PRKDC: variants seen among roughly 807,000 people sequenced by gnomAD.
PRKDC encodes DNA-dependent protein kinase catalytic subunit.
Under a neutral mutation model 486.9 loss-of-function variants are expected in PRKDC, and 82 were observed. The ratio of observed to expected loss-of-function variants is 0.17; its 90% CI spans 0.14 to 0.20. The LOEUF is 0.20. Among genes scored for constraint, PRKDC ranks in the 10% least tolerant of loss-of-function variants. The pLI is 1.00. For missense variants in PRKDC, 4,504 were observed against 5,038.2 expected (o/e 0.89, Z 3.21); for synonymous variants, 1,895 against 1,837.0 (o/e 1.03, Z -0.81).
At chr8:47,958,072 T>C (rs2090738667) in intron 1 of PRKDC, among the ~76,000 whole-genome samples, 1 of 152,174 alleles carries the variant, frequency 6.6e-6, no homozygotes, top group Non-Finnish European at 1.5e-5. Context: ...AAGATCATAC[T>C]GGATTATCCA....
Position 47,803,238 on chromosome 8 carries a change from G to A in PRKDC, c.9922+68C>T, listed in dbSNP as rs2087146878. 2.1e-6 allele frequency: 3 copies of A among 1,436,226 alleles called. No individual in the cohort carries two copies. The South Asian group carries it at 4.5e-5, about 22-fold the overall frequency. 89.0% of individuals were successfully genotyped at this position (1,436,226 alleles called of 1,614,324 possible). ...ATGTCAGATGATGCAGCACAAAGAAGAGGAAGATACACAAGACAATATAAC... is the reference window on the plus strand; with the variant it reads ...ATGTCAGATGATGCAGCACAAAGAAAAGGAAGATACACAAGACAATATAAC... On this transcript the variant is annotated intron_variant, in intron 70 of 85. Transcript: ENST00000314191.
At position 47,893,293 on chromosome 8, in the gene PRKDC, C is replaced by A. The variant is rs1227700132; in HGVS notation, c.3693G>T (p.Gln1231His). The change falls in exon 31 of 86, where the codon CAG (glutamine) becomes CAT (histidine). Residue 1231 changes from glutamine (Q) to histidine (H), a missense_variant. Transcript: ENST00000314191. ...INTFEGGGCGQPSGILAQPTL... is the reference protein window; with the variant it reads ...INTFEGGGCGHPSGILAQPTL... Reference sequence around the variant, plus strand: ...TGGGCTGGGCCAGGATGCCCGAGGGCTGGCCACAGCCACCCCCCTCAAAGG... The same window carrying A: ...TGGGCTGGGCCAGGATGCCCGAGGGATGGCCACAGCCACCCCCCTCAAAGG... 6.8e-6 allele frequency: 11 copies of A among 1,609,782 alleles called. No individual in the cohort carries two copies. Among genetic ancestry groups the A allele is most frequent in the Middle Eastern group, 1.6e-4 (1 of 6,074 alleles).
At chr8:47,923,932 A>T (rs979075096) in intron 21 of PRKDC, among the ~76,000 whole-genome samples, 1 of 152,202 alleles carries the variant, frequency 6.6e-6, no homozygotes, top group Non-Finnish European at 1.5e-5. Context: ...CGAAATAATC[A>T]ATGGGTGCTA....
At chr8:47,924,222 G>A (rs1020866675) in intron 21 of PRKDC, among the ~76,000 whole-genome samples, 5 of 152,000 alleles carry the variant, frequency 3.3e-5, no homozygotes, top group African/African-American at 7.2e-5. Flanking sequence ...ATATTTTCCC[G>A]GCCCCAGGTT....
intron 10 of PRKDC, among the ~76,000 whole-genome samples, chr8:47,941,416 G>A (rs2090443348): frequency 6.6e-6 from 1 of 152,152 alleles, no homozygotes; most frequent in Non-Finnish European, 1.5e-5. Context: ...CGGAATGGGA[G>A]CTTTGGGTCA....
intron 9 of PRKDC, 50 bp from the exon 10 acceptor site, chr8:47,943,416 A>G (rs2090479268): frequency 6.6e-7 from 1 of 1,524,744 alleles, no homozygotes; most frequent in Non-Finnish European, 8.8e-7. Context: ...ATAACACAGA[A>G]CAGAAAACCA....
intron 30 of PRKDC, among the ~76,000 whole-genome samples, chr8:47,896,896 T>C (rs368113150): frequency 6.6e-6 from 1 of 152,330 alleles, no homozygotes; most frequent in African/African-American, 2.4e-5. Context: ...ATAAGCAGTT[T>C]AATGGTTTAG....
At chr8:47,813,093 ATATT>A (rs139524100) in intron 68 of PRKDC, among the ~76,000 whole-genome samples, 23,260 of 148,094 alleles carry the variant, frequency 0.16, 3,051 homozygotes, top group African/African-American at 0.35. Context: ...ATAGAATTTT[ATATT>A]TATTTATTTA....
chr8:47,958,886 C>T (rs1213439699), intron 1 of PRKDC, among the ~76,000 whole-genome samples: 2 of 152,110 alleles, frequency 1.3e-5, no homozygotes, highest in African/African-American at 4.8e-5. Flanking sequence ...CAGGCGCTCG[C>T]CACCATGCCC....
intron 26 of PRKDC, among the ~76,000 whole-genome samples, chr8:47,904,385 G>A (rs1446924027): frequency 6.6e-6 from 1 of 152,208 alleles, no homozygotes; most frequent in Non-Finnish European, 1.5e-5. Flanking sequence ...CACCTGGCGA[G>A]CTGGCACTAC....
At chr8:47,831,675 G>T (rs1278773290) in intron 60 of PRKDC, 139 bp downstream of exon 60, 1 of 841,336 alleles carries the variant, frequency 1.2e-6, no homozygotes, top group Admixed American at 2.0e-5. Context: ...GGAGCCCCAG[G>T]AGGCTGGTTT....
In PRKDC at chr8:47,820,808, T is replaced by C; in HGVS notation, c.9247A>G (p.Ser3083Gly). The stretch of plus-strand genomic sequence containing the variant: ...AGGTAAAGCAGACTCAGCTCTTGAC[T>C]GTAATGAAGCTCTAGAATCGCCTTC... ...LQKAILELHY[S>G]QELSLLYLLQ... The change falls in exon 66 of 86, where the codon AGT (serine) becomes GGT (glycine). Residue 3083 changes from serine to glycine, a missense_variant. Physicochemically the swap from Ser to Gly is moderately conservative, Grantham distance 56. Around this residue, in one of 6 missense-constraint regions of PRKDC, gnomAD observed 1,592 missense variants for 1,724.6 expected, o/e 0.92. Coordinates refer to ENST00000314191, the MANE Select transcript of PRKDC (RefSeq NM_006904.7). 5.0e-6 allele frequency: 8 copies of C among 1,613,384 alleles called. No individual in the cohort carries two copies. Among genetic ancestry groups the C allele is most frequent in the Non-Finnish European group, 6.8e-6 (8 of 1,179,508 alleles).
chr8:47,906,570 T>C (rs1197896220), intron 25 of PRKDC, among the ~76,000 whole-genome samples: 1 of 150,314 alleles, frequency 6.7e-6, no homozygotes, highest in Admixed American at 7.0e-5. Flanking sequence ...GAGGTGGAGG[T>C]TGCAGTGAGC....
intron 39 of PRKDC, 89 bp downstream of exon 39, chr8:47,879,402 G>A (rs2154501388): frequency 1.6e-6 from 2 of 1,212,616 alleles, no homozygotes; most frequent in Non-Finnish European, 2.3e-6. Context: ...CTCTGATTGT[G>A]GATATTTTAC....
At position 47,840,047 on chromosome 8, in the gene PRKDC, T is replaced by C; in HGVS notation, c.7423A>G (p.Asn2475Asp). The change falls in exon 55 of 86, where the codon AAT becomes GAT. Residue 2475 changes from asparagine to aspartate, a missense_variant. Around this residue, in one of 6 missense-constraint regions of PRKDC, gnomAD observed 1,592 missense variants for 1,724.6 expected, o/e 0.92. Coordinates refer to ENST00000314191, the MANE Select transcript of PRKDC (RefSeq NM_006904.7). ...PSTTCREQMYNILMWIHDNYR... is the reference protein window; with the variant it reads ...PSTTCREQMYDILMWIHDNYR... ...TTATCATGAATCCACATGAGAATAT[T>C]ATACATTTGTTCCCTACATGTTGTA... 3 of 1,549,266 alleles carry C rather than the reference T, an allele frequency of 1.9e-6. No homozygotes were observed. The highest frequency in any genetic ancestry group is 2.6e-6 in the Non-Finnish European group (3 of 1,145,532).
At chr8:47,812,568 C>A (rs762022174) in intron 68 of PRKDC, among the ~76,000 whole-genome samples, 5 of 152,050 alleles carry the variant, frequency 3.3e-5, no homozygotes, top group Non-Finnish European at 7.4e-5. Flanking sequence ...GAATGACATA[C>A]CAAAATGTGC....
chr8:47,951,265 T>C (rs534022503), intron 7 of PRKDC, among the ~76,000 whole-genome samples: 80 of 150,782 alleles, frequency 5.3e-4, no homozygotes, highest in African/African-American at 1.7e-3. Flanking sequence ...GAGGCGGAGG[T>C]AGGAGGATCA....
At chr8:47,848,424 C>CTG (rs1210132446) in intron 54 of PRKDC, among the ~76,000 whole-genome samples, 1 of 151,982 alleles carries the variant, frequency 6.6e-6, no homozygotes, top group African/African-American at 2.4e-5. Context: ...TATGTGGGAG[C>CTG]TAAACACTGA....
intron 68 of PRKDC, among the ~76,000 whole-genome samples, chr8:47,811,972 C>A (rs959462849): frequency 6.6e-6 from 1 of 151,812 alleles, no homozygotes; most frequent in African/African-American, 2.4e-5. Flanking sequence ...AGCAAAATTC[C>A]ATCACAAAAA....
Sources: allele counts gnomAD v4.1 joint callset (sites outside exome capture counted in the v4.1 genomes callset), GRCh38; gene constraint gnomAD v4.1.1; regional missense constraint gnomAD v4.1.1; transcripts MANE v1.5; gene names NCBI Gene and HGNC (gene_info 2026-07-23, HGNC 2026-07-21).